FHIT: variants seen among roughly 807,000 people sequenced by gnomAD.
The protein encoded by FHIT is bis(5'-adenosyl)-triphosphatase.
Under a neutral mutation model 17.9 loss-of-function variants are expected in FHIT, and 19 were observed. That is an observed-to-expected ratio of 1.06 (90% confidence interval 0.74 to 1.56). The LOEUF (loss-of-function observed/expected upper bound fraction) is 1.56. Among genes scored for constraint, FHIT ranks in the 40% most tolerant of loss-of-function variants. FHIT has a pLI of 0.00. For synonymous variants in FHIT, 81 were observed against 69.7 expected (o/e 1.16, Z -0.81); for missense variants, 248 against 189.2 (o/e 1.31, Z -1.82).
intron 7 of FHIT, among the ~76,000 whole-genome samples, chr3:59,957,668 G>A (rs1707470671): frequency 6.6e-6 from 1 of 152,194 alleles, no homozygotes; most frequent in Admixed American, 6.5e-5. Context: ...AGAAAAATAT[G>A]TCTCAGTGGC....
At chr3:61,141,374 G>C (rs1213161644) in intron 2 of FHIT, among the ~76,000 whole-genome samples, 2 of 152,154 alleles carry the variant, frequency 1.3e-5, no homozygotes, top group Non-Finnish European at 2.9e-5. Flanking sequence ...TTTTCAAAGA[G>C]AAGTCTTAGT....
chr3:60,905,763 C>T (rs527334314), intron 3 of FHIT, among the ~76,000 whole-genome samples: 2 of 151,974 alleles, frequency 1.3e-5, no homozygotes, highest in South Asian at 2.1e-4. Context: ...AAAAAGGAAG[C>T]GTATGTATAT....
intron 2 of FHIT, among the ~76,000 whole-genome samples, chr3:61,119,231 T>C (rs1038510651): frequency 6.6e-6 from 1 of 152,096 alleles, no homozygotes; most frequent in African/African-American, 2.4e-5. Flanking sequence ...TAATTTTTTT[T>C]TTTTCGAGAT....
intron 8 of FHIT, among the ~76,000 whole-genome samples, chr3:59,792,811 T>C (rs963159320): frequency 6.7e-6 from 1 of 150,054 alleles, no homozygotes; most frequent in African/African-American, 2.4e-5. Flanking sequence ...TTTCTATATA[T>C]GTTGTTCACC....
At chr3:60,939,352 CATT>C (rs1708318457) in intron 3 of FHIT, among the ~76,000 whole-genome samples, 1 of 152,150 alleles carries the variant, frequency 6.6e-6, no homozygotes, top group African/African-American at 2.4e-5. Context: ...TTGCTCTCAT[CATT>C]AACAGCAGAG....
At position 59,924,001 on chromosome 3, in the gene FHIT, C is replaced by T. The variant is rs577695518; in HGVS notation, c.280-1587G>A. ...TCTCTCAGCAATTGGGCCAAGTGTG[C>T]ACTTCAGTCACAAAGATTACGTGAG... On this transcript the variant is annotated intron_variant, in intron 7 of 9. Transcript: ENST00000492590. 9.2e-5 allele frequency among the ~76,000 whole-genome samples: 14 copies of T among 152,252 alleles called. No individual in the cohort carries two copies. In the South Asian group the frequency reaches 2.9e-3, roughly 32 times the overall value.
rs925035700 is a variant in FHIT at position 60,371,852 on chromosome 3, T to TC, written c.103+165007_103+165008insG. On this transcript the variant is annotated intron_variant, in intron 5 of 9. Transcript: ENST00000492590. ...GCAGATTTTTGTGGGGTTTTTTTTT[T>TC]TTTTTTAGCTCAAAATGTTTATCTA... Among the ~76,000 whole-genome samples the TC allele has an allele frequency of 4.0e-5, 6 of 151,486 alleles. 1 individual carries two copies. The highest frequency in any genetic ancestry group is 9.7e-5 in the African/African-American group (4 of 41,310).
At position 61,096,858 on chromosome 3, in the gene FHIT, C is replaced by T. The variant is rs188639450; in HGVS notation, c.-163-54759G>A. On this transcript the variant is annotated intron_variant, in intron 2 of 9. Coordinates refer to ENST00000492590, the MANE Select transcript of FHIT (RefSeq NM_002012.4). ...GGGAGCGGCAGCTCACACCTGTAATCCCAGCACTTTGGGAGGCCAAGGCAG... is the reference window on the plus strand; with the variant it reads ...GGGAGCGGCAGCTCACACCTGTAATTCCAGCACTTTGGGAGGCCAAGGCAG... Among the ~76,000 whole-genome samples, 43 of 152,218 alleles carry T rather than the reference C, an allele frequency of 2.8e-4. No individual in the cohort carries two copies. In the East Asian group the frequency reaches 8.1e-3, roughly 29 times the overall value.
chr3:59,811,694 A>G (rs1191394945), intron 8 of FHIT, among the ~76,000 whole-genome samples: 2 of 152,210 alleles, frequency 1.3e-5, no homozygotes, highest in Non-Finnish European at 2.9e-5. Context: ...TTTGATACAT[A>G]AAGAAAAGGA....
At chr3:60,271,039 C>T (rs890303968) in intron 5 of FHIT, among the ~76,000 whole-genome samples, 2 of 152,154 alleles carry the variant, frequency 1.3e-5, no homozygotes, top group African/African-American at 4.8e-5. Flanking sequence ...GAGGAATCTA[C>T]ATAACAGTGG....
At chr3:60,574,259 G>T (rs183856409) in intron 4 of FHIT, among the ~76,000 whole-genome samples, 1 of 151,686 alleles carries the variant, frequency 6.6e-6, no homozygotes, top group Non-Finnish European at 1.5e-5. Flanking sequence ...CTCACTTTCT[G>T]CCTTTTCTTG....
rs148831981 is a variant in FHIT at position 60,287,854 on chromosome 3, T to C, written c.103+249006A>G. Among the ~76,000 whole-genome samples the C allele has an allele frequency of 1.1e-4, 16 of 152,310 alleles. No individual in the cohort carries two copies. In the East Asian group the frequency reaches 2.7e-3, roughly 26 times the overall value. On this transcript the variant is annotated intron_variant, in intron 5 of 9. Transcript: ENST00000492590. Reference sequence around the variant, plus strand: ...CCATCCAGCCTCTTTCATTTACTACTGATATGACCTTGGGAAAGATACATA... The same window carrying C: ...CCATCCAGCCTCTTTCATTTACTACCGATATGACCTTGGGAAAGATACATA...
chr3:60,219,207 C>A (rs1703843897), intron 5 of FHIT, among the ~76,000 whole-genome samples: 1 of 152,068 alleles, frequency 6.6e-6, no homozygotes, highest in South Asian at 2.1e-4. Context: ...ATTTTTCTGG[C>A]AAATTCTGGG....
intron 4 of FHIT, among the ~76,000 whole-genome samples, chr3:60,792,061 G>A (rs547083248): frequency 6.6e-6 from 1 of 152,202 alleles, no homozygotes; most frequent in African/African-American, 2.4e-5. Context: ...CAGTGGTCCA[G>A]AGGATCTGGC....
intron 3 of FHIT, among the ~76,000 whole-genome samples, chr3:61,036,320 C>G (rs1001595533): frequency 4.6e-5 from 7 of 151,066 alleles, no homozygotes; most frequent in Admixed American, 2.6e-4. Context: ...GATCAGCCCC[C>G]CCTGATCTAA....
intron 8 of FHIT, among the ~76,000 whole-genome samples, chr3:59,852,835 T>C (rs997053410): frequency 1.3e-5 from 2 of 152,212 alleles, no homozygotes; most frequent in Non-Finnish European, 2.9e-5. Flanking sequence ...GTTTCCGCCA[T>C]GTCTCTTCAT....
chr3:60,457,273 G>A (rs1386869110), intron 5 of FHIT, among the ~76,000 whole-genome samples: 2 of 151,876 alleles, frequency 1.3e-5, no homozygotes, highest in African/African-American at 2.4e-5. Context: ...CAGAAATAAT[G>A]TCACATATCT....
Position 60,027,127 on chromosome 3 carries a change from AC to A in FHIT, c.104-12976del, listed in dbSNP as rs1304729014. On this transcript the variant is annotated intron_variant, in intron 5 of 9. Transcript: ENST00000492590. ...CACACAGACACACACACACACACAC[AC>A]ACACACACACACACACACACAAAAT... Among the ~76,000 whole-genome samples the A allele has an allele frequency of 1.8e-3, 242 of 131,054 alleles. 2 individuals carry two copies. Among genetic ancestry groups the A allele is most frequent in the African/African-American group, 6.4e-3 (203 of 31,968 alleles). The allele number at this position is 131,054 out of a possible 152,430, so 86.0% of individuals were successfully genotyped here. A position where few individuals can be genotyped will look rare whatever the true frequency, so the allele number is the denominator to read the frequency against.
intron 5 of FHIT, among the ~76,000 whole-genome samples, chr3:60,455,518 GT>G (rs1481735322): frequency 1.3e-5 from 2 of 152,136 alleles, no homozygotes; most frequent in African/African-American, 4.8e-5. Flanking sequence ...ATGTGATAAT[GT>G]TTTGTTGAGC....
Sources: gnomAD v4.1 joint callset for allele counts (sites outside exome capture counted in the v4.1 genomes callset) on GRCh38, gnomAD v4.1.1 for gene constraint, MANE v1.5 for transcripts, NCBI Gene and HGNC (gene_info 2026-07-23, HGNC 2026-07-21) for gene names.